SYNGR4: variants seen among roughly 807,000 people sequenced by gnomAD.
The protein encoded by SYNGR4 is synaptogyrin-4.
Under a neutral mutation model 15.5 loss-of-function variants are expected in SYNGR4, and 15 were observed. The ratio of observed to expected loss-of-function variants is 0.97; its 90% CI spans 0.65 to 1.49. SYNGR4 has a LOEUF of 1.49. SYNGR4 is among the 40% of genes most tolerant of loss of function. The probability of loss-of-function intolerance (pLI) is 0.00; values close to 1 mark genes in which losing one functional copy is unlikely to be tolerated. For synonymous variants in SYNGR4, 121 were observed against 127.4 expected (o/e 0.95, Z 0.34); for missense variants, 292 against 299.3 (o/e 0.98, Z 0.18).
In SYNGR4 at chr19:48,375,360, G is replaced by A. The variant is rs527306772; in HGVS notation, c.332-253G>A. On this transcript the variant is annotated intron_variant, in intron 3 of 4. Coordinates refer to ENST00000344846, the MANE Select transcript of SYNGR4 (RefSeq NM_012451.4). ...GTGTTAATGAATAGAAATTTAAACCGCTGCATGAGGCCGGCGGCTCCTGTA... is the reference window on the plus strand; with the variant it reads ...GTGTTAATGAATAGAAATTTAAACCACTGCATGAGGCCGGCGGCTCCTGTA... 4.9e-4 allele frequency among the ~76,000 whole-genome samples: 75 copies of A among 152,192 alleles called. 1 individual carries two copies. The highest frequency in any genetic ancestry group is 1.7e-3 in the African/African-American group (71 of 41,518).
chr19:48,369,331 C>A (rs541656789), intron 2 of SYNGR4, among the ~76,000 whole-genome samples: 1 of 152,140 alleles, frequency 6.6e-6, no homozygotes, highest in Non-Finnish European at 1.5e-5. Context: ...CCAGATGAGC[C>A]CCTGCTCCTC....
intron 2 of SYNGR4, among the ~76,000 whole-genome samples, chr19:48,367,705 G>A (rs544093580): frequency 2.4e-4 from 36 of 152,222 alleles, no homozygotes; most frequent in Admixed American, 1.6e-3. Context: ...CCATGCCACC[G>A]TTCATTTCAT....
At chr19:48,365,082 C>T (rs911663081) in intron 1 of SYNGR4, among the ~76,000 whole-genome samples, 1 of 149,888 alleles carries the variant, frequency 6.7e-6, no homozygotes, top group African/African-American at 2.5e-5. Context: ...CTGGAATCCT[C>T]CATAGACCCC....
At chr19:48,369,807 G>A (rs79529325) in intron 2 of SYNGR4, among the ~76,000 whole-genome samples, 1,686 of 152,250 alleles carry the variant, frequency 0.011, 13 homozygotes, top group Non-Finnish European at 0.019. Context: ...TCTTGTCCTC[G>A]ACCTGACTCT....
At chr19:48,372,640 C>T (rs1056783503) in intron 2 of SYNGR4, among the ~76,000 whole-genome samples, 30 of 151,716 alleles carry the variant, frequency 2.0e-4, no homozygotes, top group Non-Finnish European at 3.7e-4. Flanking sequence ...GACAGCCAGA[C>T]TCTGTCTCCA....
intron 2 of SYNGR4, 60 bp downstream of exon 2, chr19:48,365,995 TC>T: frequency 6.4e-7 from 1 of 1,559,154 alleles, no homozygotes; most frequent in Non-Finnish European, 8.8e-7. Flanking sequence ...AGCTCTCAAC[TC>T]CCAGACACAG....
intron 2 of SYNGR4, among the ~76,000 whole-genome samples, chr19:48,372,643 T>C (rs1192636176): frequency 2.0e-5 from 3 of 151,560 alleles, no homozygotes; most frequent in Non-Finnish European, 4.4e-5. Context: ...AGCCAGACTC[T>C]GTCTCCAAAA....
At position 48,373,673 on chromosome 19, in the gene SYNGR4, C is replaced by T. The variant is rs1442840699; in HGVS notation, c.250C>T (p.Leu84Phe). ...FLAFLSCLAF[L>F]VLDTQETRIA... Reference sequence around the variant, plus strand: ...GGCCTTCCTCAGCTGCCTGGCCTTCCTCGTCCTGGACACACAGGAGACCCG... The same window carrying T: ...GGCCTTCCTCAGCTGCCTGGCCTTCTTCGTCCTGGACACACAGGAGACCCG... Residue 84 changes from leucine (L) to phenylalanine (F), a missense_variant, in exon 3 of 5, where the codon CTC (leucine) becomes TTC (phenylalanine). Physicochemically the swap from Leu to Phe is conservative, Grantham distance 22. Coordinates refer to ENST00000344846, the MANE Select transcript of SYNGR4 (RefSeq NM_012451.4). The T allele has an allele frequency of 1.4e-5, 23 of 1,613,966 alleles. No individual in the cohort carries two copies. In the East Asian group the frequency reaches 5.1e-4, roughly 36 times the overall value.
intron 2 of SYNGR4, among the ~76,000 whole-genome samples, chr19:48,372,866 A>AGGAGGGAAGAGACAGAAGTCGC (rs1970330400): frequency 6.6e-6 from 1 of 152,226 alleles, no homozygotes; most frequent in Admixed American, 6.5e-5. Flanking sequence ...TAGTGAGGCC[A>AGGAGGGAAGAGACAGAAGTCGC]GGAGGGAAGA....
chr19:48,364,290 A>AG (rs887304329), upstream of SYNGR4: 5 of 240,788 alleles, frequency 2.1e-5, no homozygotes, highest in African/African-American at 1.3e-4. Context: ...GGAAAGAGGG[A>AG]GGGGGCGGGA....
chr19:48,367,379 G>A (rs1970238497), intron 2 of SYNGR4, among the ~76,000 whole-genome samples: 1 of 149,694 alleles, frequency 6.7e-6, no homozygotes, highest in Non-Finnish European at 1.5e-5. Flanking sequence ...CTTGCAGTGA[G>A]CCGAGATCAC....
intron 2 of SYNGR4, among the ~76,000 whole-genome samples, chr19:48,371,578 A>ATT (rs34660677): frequency 0.047 from 6,611 of 141,858 alleles, 493 homozygotes; most frequent in African/African-American, 0.15. Context: ...TGACCAGCTG[A>ATT]TTTTTTTTTT....
In SYNGR4 at chr19:48,376,238, CT is replaced by C. The variant is rs1299591303; in HGVS notation, c.626del (p.Leu209ArgfsTer12). 6.2e-7 allele frequency: 1 copy of C among 1,614,022 alleles called. No individual in the cohort carries two copies. The highest frequency in any genetic ancestry group is 1.3e-5 in the African/African-American group (1 of 74,924). On this transcript the variant is annotated frameshift_variant, in exon 5 of 5. Coordinates refer to ENST00000344846, the MANE Select transcript of SYNGR4 (RefSeq NM_012451.4). LOFTEE classifies it high-confidence loss of function. ...CATGCCCACCACTGGCCCCAACAGC[CT>C]GAGTTATGCTAGCTCTGCCCTGTCC... is the stretch of plus-strand genomic sequence containing the variant. The part of the protein sequence containing the change: ...VNMPTTGPNS[L>X]SYASSALSPC...
rs553156359 is a variant in SYNGR4 at position 48,371,166 on chromosome 19, G to A, written c.94-2351G>A. Among the ~76,000 whole-genome samples, 75 of 152,218 alleles carry A rather than the reference G, an allele frequency of 4.9e-4. 1 individual carries two copies. Among genetic ancestry groups the A allele is most frequent in the African/African-American group, 1.7e-3 (70 of 41,540 alleles). On this transcript the variant is annotated intron_variant, in intron 2 of 4. Coordinates refer to ENST00000344846, the MANE Select transcript of SYNGR4 (RefSeq NM_012451.4). The stretch of plus-strand genomic sequence containing the variant: ...TTCTCTCTTATCTCTGAAACTGCCC[G>A]CTCTGCAGCATCTGGCTTTTCCACA...
At chr19:48,372,607 C>A (rs1460798279) in intron 2 of SYNGR4, among the ~76,000 whole-genome samples, 1 of 151,508 alleles carries the variant, frequency 6.6e-6, no homozygotes, top group African/African-American at 2.4e-5. Context: ...GCCGAGATGG[C>A]GCCACTGCAC....
At chr19:48,368,500 C>T (rs1847538753) in intron 2 of SYNGR4, among the ~76,000 whole-genome samples, 1 of 151,948 alleles carries the variant, frequency 6.6e-6, no homozygotes, top group Non-Finnish European at 1.5e-5. Flanking sequence ...ATTCTTGTGC[C>T]TCCGGAGTAG....
At position 48,372,118 on chromosome 19, in the gene SYNGR4, G is replaced by A. The variant is rs183743166; in HGVS notation, c.94-1399G>A. On this transcript the variant is annotated intron_variant, in intron 2 of 4. Coordinates refer to ENST00000344846, the MANE Select transcript of SYNGR4 (RefSeq NM_012451.4). ...CAGGCTGGTCTCAAACTCCTGGCCT[G>A]ACACGATCCTCCCATCTCAACCTCC... 3.4e-3 allele frequency among the ~76,000 whole-genome samples: 512 copies of A among 152,008 alleles called. 19 individuals carry two copies. Among genetic ancestry groups the A allele is most frequent in the Admixed American group, 0.033 (497 of 15,238 alleles).
intron 2 of SYNGR4, among the ~76,000 whole-genome samples, chr19:48,369,631 G>T (rs1317972459): frequency 2.6e-5 from 4 of 152,198 alleles, no homozygotes; most frequent in African/African-American, 4.8e-5. Flanking sequence ...CATACAGCTG[G>T]CACAGTCAGA....
chr19:48,373,259 G>A, intron 2 of SYNGR4: 1 of 512,156 alleles, frequency 2.0e-6, no homozygotes, highest in Non-Finnish European at 3.6e-6. Flanking sequence ...ATGTGCTGAG[G>A]TGGGGAAGAC....
Sources: allele counts gnomAD v4.1 joint callset (sites outside exome capture counted in the v4.1 genomes callset), GRCh38; gene constraint gnomAD v4.1.1; transcripts MANE v1.5; gene names NCBI Gene and HGNC (gene_info 2026-07-23, HGNC 2026-07-21).